PCDHGA2: variants seen among roughly 807,000 people sequenced by gnomAD.
PCDHGA2 encodes protocadherin gamma subfamily A, 2.
A neutral mutation model predicts 59.2 loss-of-function variants in PCDHGA2; 40 were observed. The observed-to-expected ratio is 0.68, with a 90% CI of 0.52 to 0.88. The LOEUF is 0.88. PCDHGA2 is among the 40% of genes least tolerant of loss of function. The pLI is 0.00. For synonymous variants in PCDHGA2, 560 were observed against 526.0 expected, an observed-to-expected ratio of 1.06 and a Z score of -0.89; for missense variants, 1,226 against 1,204.0, an observed-to-expected ratio of 1.02 and a Z score of -0.27.
intron 1 of PCDHGA2, among the ~76,000 whole-genome samples, chr5:141,435,794 C>T (rs993951734): frequency 2.6e-5 from 4 of 151,934 alleles, no homozygotes; most frequent in Admixed American, 6.6e-5. Flanking sequence ...GGAAACATAA[C>T]GTCCCAATTA....
At chr5:141,382,022 T>C (rs1330641881) in intron 1 of PCDHGA2, among the ~76,000 whole-genome samples, 1 of 151,530 alleles carries the variant, frequency 6.6e-6, no homozygotes, top group Non-Finnish European at 1.5e-5. Context: ...AGAGACGGGG[T>C]TTCTCCATGT....
chr5:141,419,269 C>G (rs1456612499), intron 1 of PCDHGA2: 1 of 1,614,034 alleles, frequency 6.2e-7, no homozygotes, highest in Admixed American at 1.7e-5. Flanking sequence ...CGGGTGCCTC[C>G]ATAGCGCAAG....
At chr5:141,413,622 T>C (rs1561743710) in intron 1 of PCDHGA2, 2 of 1,613,760 alleles carry the variant, frequency 1.2e-6, no homozygotes, top group Non-Finnish European at 1.7e-6. Flanking sequence ...TTAATGAAAA[T>C]GTCGCTGCGG....
rs370190281 is a variant in PCDHGA2, at chr5:141,401,943, A to G, written c.2424+60548A>G. Among the ~76,000 whole-genome samples the G allele has an allele frequency of 3.9e-5, 6 of 152,312 alleles. No homozygotes were observed. In the South Asian group the frequency reaches 1.0e-3, roughly 26 times the overall value. On this transcript the variant is annotated intron_variant, in intron 1 of 3. Coordinates refer to ENST00000394576, the MANE Select transcript of PCDHGA2 (RefSeq NM_018915.4). ...AGTGATGCTTAGAATAATGTTTAAG[A>G]CCACTTTAAAATTGCATAATTTATT...
chr5:141,365,125 C>T, intron 1 of PCDHGA2: 2 of 1,613,882 alleles, frequency 1.2e-6, no homozygotes, highest in Non-Finnish European at 1.7e-6. Context: ...TCATGCTAAC[C>T]GCCACGGATC....
chr5:141,449,160 T>G (rs6867451), intron 1 of PCDHGA2, among the ~76,000 whole-genome samples: 8,161 of 152,140 alleles, frequency 0.054, 458 homozygotes, highest in African/African-American at 0.15. Context: ...AAAGAGGAAA[T>G]AGGTGTAATT....
At chr5:141,413,520 A>G in intron 1 of PCDHGA2, 1 of 1,613,986 alleles carries the variant, frequency 6.2e-7, no homozygotes, top group Non-Finnish European at 8.5e-7. Flanking sequence ...TCCTTGTGGA[A>G]GACAGGGTGA....
chr5:141,419,032 A>G (rs1421513275), intron 1 of PCDHGA2: 2 of 1,614,004 alleles, frequency 1.2e-6, no homozygotes, highest in Non-Finnish European at 1.7e-6. Flanking sequence ...GAGGTGTTCC[A>G]TTTAAGATTC....
intron 1 of PCDHGA2, chr5:141,365,006 A>ACG: frequency 4.3e-6 from 7 of 1,613,882 alleles, no homozygotes; most frequent in Non-Finnish European, 5.9e-6. Flanking sequence ...CTCCGGCACC[A>ACG]CGCACATCCG....
In PCDHGA2 at chr5:141,512,809, A is replaced by C. The variant is rs2099884438; in HGVS notation, c.*1636A>C. ...GTGTTTTGTGCTGTGTCCACGCGCT[A>C]AGGCGACCCCCTCCCCCGTACTGAC... On this transcript the variant is annotated 3_prime_UTR_variant, in exon 4 of 4. Coordinates refer to ENST00000394576, the MANE Select transcript of PCDHGA2 (RefSeq NM_018915.4). 6.6e-6 allele frequency: 1 copy of C among 152,130 alleles called. No homozygotes were observed. The highest frequency in any genetic ancestry group is 2.4e-5 in the African/African-American group (1 of 41,404). The allele number at this position is 152,130 out of a possible 1,614,324, so 9.4% of individuals were successfully genotyped here. A position where few individuals can be genotyped will look rare whatever the true frequency, so the allele number is the denominator to read the frequency against.
At chr5:141,373,411 T>C (rs1045675973) in intron 1 of PCDHGA2, among the ~76,000 whole-genome samples, 3 of 152,242 alleles carry the variant, frequency 2.0e-5, no homozygotes, top group Non-Finnish European at 2.9e-5. Flanking sequence ...TAGTCCCAGC[T>C]ACTCGGGAGG....
chr5:141,492,720 A>G (rs1161942205), intron 1 of PCDHGA2, among the ~76,000 whole-genome samples: 1 of 152,256 alleles, frequency 6.6e-6, no homozygotes, highest in East Asian at 1.9e-4. Context: ...GCAGGCGGAC[A>G]GGCAGAGCTG....
chr5:141,428,043 A>G, intron 1 of PCDHGA2: 1 of 1,608,722 alleles, frequency 6.2e-7, no homozygotes, highest in Non-Finnish European at 8.5e-7. Flanking sequence ...CTACCTGGTG[A>G]CCAAGGTGGT....
chr5:141,359,213 C>T (rs1441871406), intron 1 of PCDHGA2, among the ~76,000 whole-genome samples: 3 of 152,010 alleles, frequency 2.0e-5, no homozygotes, highest in Admixed American at 1.3e-4. Context: ...TGAGAGACAA[C>T]TTACATCTGA....
chr5:141,352,599 A>G, intron 1 of PCDHGA2: 2 of 1,613,758 alleles, frequency 1.2e-6, no homozygotes, highest in Non-Finnish European at 1.7e-6. Context: ...CTGTGTGATG[A>G]TCCTTCTATG....
At chr5:141,410,675 T>A in intron 1 of PCDHGA2, 1 of 1,551,642 alleles carries the variant, frequency 6.4e-7, no homozygotes, top group Non-Finnish European at 8.6e-7. Context: ...GTTTCTCATA[T>A]TTTAGGCATA....
chr5:141,428,358 G>T, intron 1 of PCDHGA2: 1 of 565,492 alleles, frequency 1.8e-6, no homozygotes, highest in Non-Finnish European at 3.2e-6. Flanking sequence ...TGATTTTGGC[G>T]GTCGCCTTGC....
In PCDHGA2 at chr5:141,511,284, G is replaced by A; in HGVS notation, c.*111G>A. Reference sequence around the variant, plus strand: ...AGGGCTAACCCCCAGAATACTGGTAGGGGCCAAGGCCATGCTCCCCTTGGG... The same window carrying A: ...AGGGCTAACCCCCAGAATACTGGTAAGGGCCAAGGCCATGCTCCCCTTGGG... On this transcript the variant is annotated 3_prime_UTR_variant, in exon 4 of 4. Coordinates refer to ENST00000394576, the MANE Select transcript of PCDHGA2 (RefSeq NM_018915.4). 6.5e-7 allele frequency: 1 copy of A among 1,528,376 alleles called. No individual in the cohort carries two copies. The highest frequency in any genetic ancestry group is 1.4e-5 in the African/African-American group (1 of 72,796). The allele number at this position is 1,528,376 out of a possible 1,614,324, so 94.7% of individuals were successfully genotyped here.
chr5:141,382,720 T>C (rs894143659), intron 1 of PCDHGA2: 7 of 480,002 alleles, frequency 1.5e-5, no homozygotes, highest in African/African-American at 1.4e-4. Flanking sequence ...AACCACCGAG[T>C]TTTACAGCAC....
Sources: gnomAD v4.1 joint callset for allele counts (sites outside exome capture counted in the v4.1 genomes callset) on GRCh38, gnomAD v4.1.1 for gene constraint, MANE v1.5 for transcripts, NCBI Gene and HGNC (gene_info 2026-07-23, HGNC 2026-07-21) for gene names.